The following EPB41L4A variants were observed in gnomAD, a reference collection of about 807,000 sequenced individuals.
EPB41L4A encodes erythrocyte membrane protein band 4.1 like 4A, also known as band 4.1-like protein 4A.
EPB41L4A carries 100 observed loss-of-function variants against 108.6 expected under a neutral mutation model. The ratio of observed to expected loss-of-function variants is 0.92; its 90% CI spans 0.78 to 1.09. The LOEUF (loss-of-function observed/expected upper bound fraction) is 1.09. EPB41L4A is among the 50% of genes least tolerant of loss of function. EPB41L4A has a pLI of 0.00. For synonymous variants in EPB41L4A, 319 were observed against 289.0 expected (o/e 1.10, Z -1.05); for missense variants, 1,030 against 842.7 (o/e 1.22, Z -2.75).
In EPB41L4A at chr5:112,321,927, C is replaced by A. The variant is rs555474120; in HGVS notation, c.100-14437G>T. On this transcript the variant is annotated intron_variant, in intron 1 of 22. Transcript: ENST00000261486. ...ACCTGTGTAATTTTTGAAAAAATTT[C>A]TTTAACCTGGGGGAAATTCTAAGTT... Among the ~76,000 whole-genome samples, 12 of 152,214 alleles carry A rather than the reference C, an allele frequency of 7.9e-5. No homozygotes were observed. The South Asian group carries it at 1.9e-3, about 24-fold the overall frequency.
intron 4 of EPB41L4A, among the ~76,000 whole-genome samples, chr5:112,268,124 G>A (rs1221343905): frequency 6.6e-6 from 1 of 152,252 alleles, no homozygotes; most frequent in African/African-American, 2.4e-5. Flanking sequence ...GCTCATGCCT[G>A]TAATCCCAGC....
chr5:112,162,493 A>G (rs1319058752), downstream of EPB41L4A: 1 of 152,238 alleles, frequency 6.6e-6, no homozygotes, highest in Non-Finnish European at 1.5e-5. Flanking sequence ...TCGTGGCTAG[A>G]ACTAGACTGA....
At chr5:112,368,294 G>A (rs191365147) in intron 1 of EPB41L4A, among the ~76,000 whole-genome samples, 6 of 152,024 alleles carry the variant, frequency 3.9e-5, no homozygotes, top group South Asian at 2.1e-4. Flanking sequence ...TTGAGAGCAC[G>A]AATTATCTTG....
exon 14 of EPB41L4A, chr5:112,143,879 C>T (rs1430280063): frequency 6.6e-6 from 3 of 455,224 alleles, no homozygotes; most frequent in African/African-American, 2.0e-5. Context: ...GCAGAGTCTG[C>T]ACTGAAGACA....
chr5:112,154,287 C>A (rs1166441326), intron 12 of EPB41L4A, among the ~76,000 whole-genome samples: 1 of 152,172 alleles, frequency 6.6e-6, no homozygotes, highest in African/African-American at 2.4e-5. Flanking sequence ...CTGTACAACG[C>A]ACTCAGGGCT....
At chr5:112,298,009 A>C (rs1754116119) in intron 2 of EPB41L4A, among the ~76,000 whole-genome samples, 1 of 152,108 alleles carries the variant, frequency 6.6e-6, no homozygotes, top group Non-Finnish European at 1.5e-5. Flanking sequence ...TACCAATACC[A>C]TGCTGTTTTG....
At chr5:112,296,996 C>T (rs1754032009) in intron 2 of EPB41L4A, among the ~76,000 whole-genome samples, 1 of 147,792 alleles carries the variant, frequency 6.8e-6, no homozygotes, top group Admixed American at 6.7e-5. Context: ...TACATACACA[C>T]ACACACACAC....
At position 112,246,059 on chromosome 5, in the gene EPB41L4A, A is replaced by C. The variant is rs537925304; in HGVS notation, c.796-5249T>G. On this transcript the variant is annotated intron_variant, in intron 9 of 22. Transcript: ENST00000261486. ...TTCAGAAAGTGTTTTCCTTAGCAGCAAAAGAAACTGGTGGCAGAGCTGGGA... is the reference window on the plus strand; with the variant it reads ...TTCAGAAAGTGTTTTCCTTAGCAGCCAAAGAAACTGGTGGCAGAGCTGGGA... Among the ~76,000 whole-genome samples, 36 of 152,360 alleles carry C rather than the reference A, an allele frequency of 2.4e-4. No individual in the cohort carries two copies. In the East Asian group the frequency reaches 6.4e-3, roughly 27 times the overall value.
chr5:112,371,294 G>A (rs1163377335), intron 1 of EPB41L4A, among the ~76,000 whole-genome samples: 1 of 152,200 alleles, frequency 6.6e-6, no homozygotes, highest in Non-Finnish European at 1.5e-5. Flanking sequence ...AGATGTGTTA[G>A]TTAGCAAAGG....
At chr5:112,212,387 G>T (rs1275686429) in intron 12 of EPB41L4A, among the ~76,000 whole-genome samples, 1 of 151,036 alleles carries the variant, frequency 6.6e-6, no homozygotes, top group Non-Finnish European at 1.5e-5. Context: ...CTGCCTCCTC[G>T]GTTCAAGCAA....
chr5:112,257,752 T>C (rs1325251080), intron 9 of EPB41L4A, among the ~76,000 whole-genome samples: 1 of 152,208 alleles, frequency 6.6e-6, no homozygotes, highest in Non-Finnish European at 1.5e-5. Context: ...AGTCTTTTGA[T>C]TATCATATTC....
chr5:112,384,966 C>T (rs1760413527), intron 1 of EPB41L4A, among the ~76,000 whole-genome samples: 1 of 152,214 alleles, frequency 6.6e-6, no homozygotes, highest in African/African-American at 2.4e-5. Context: ...GATCACTGCA[C>T]AAGCAATTCA....
At chr5:112,165,342 A>G (rs546980844) in intron 22 of EPB41L4A, among the ~76,000 whole-genome samples, 2 of 152,242 alleles carry the variant, frequency 1.3e-5, no homozygotes, top group East Asian at 1.9e-4. Context: ...ATTTACATGC[A>G]TAACGATTTT....
At chr5:112,391,646 G>T (rs1240069272) in intron 1 of EPB41L4A, among the ~76,000 whole-genome samples, 1 of 152,170 alleles carries the variant, frequency 6.6e-6, no homozygotes, top group East Asian at 1.9e-4. Flanking sequence ...AACCAAGGGG[G>T]AAAACACTCT....
chr5:112,321,159 G>A (rs1755748206), intron 1 of EPB41L4A, among the ~76,000 whole-genome samples: 2 of 152,182 alleles, frequency 1.3e-5, no homozygotes, highest in African/African-American at 4.8e-5. Flanking sequence ...GATCACAGAG[G>A]AGAGAACACG....
chr5:112,405,187 C>T (rs1449954753), intron 1 of EPB41L4A, among the ~76,000 whole-genome samples: 1 of 152,166 alleles, frequency 6.6e-6, no homozygotes, highest in African/African-American at 2.4e-5. Flanking sequence ...GGTCAGCTGC[C>T]ATATTGCAAA....
At chr5:112,357,498 T>C (rs962538666) in intron 1 of EPB41L4A, among the ~76,000 whole-genome samples, 26 of 150,906 alleles carry the variant, frequency 1.7e-4, no homozygotes, top group African/African-American at 6.0e-4. Flanking sequence ...TCACAAAGAT[T>C]TCCTTAAGAC....
At chr5:112,289,323 T>C (rs888664923) in intron 2 of EPB41L4A, among the ~76,000 whole-genome samples, 6 of 152,186 alleles carry the variant, frequency 3.9e-5, no homozygotes, top group South Asian at 2.1e-4. Context: ...TCTGATCACC[T>C]TGACAGCAAG....
At chr5:112,303,620 G>A (rs1407313164) in intron 2 of EPB41L4A, among the ~76,000 whole-genome samples, 1 of 152,082 alleles carries the variant, frequency 6.6e-6, no homozygotes, top group Non-Finnish European at 1.5e-5. Flanking sequence ...AAAATGAGAA[G>A]ATTTCAAGAA....
Sources: allele counts gnomAD v4.1 joint callset (sites outside exome capture counted in the v4.1 genomes callset), GRCh38; gene constraint gnomAD v4.1.1; transcripts MANE v1.5; gene names NCBI Gene and HGNC (gene_info 2026-07-23, HGNC 2026-07-21).